SH3PXD2A: variants seen among roughly 807,000 people sequenced by gnomAD.
SH3PXD2A encodes SH3 and PX domains 2A, also known as SH3 and PX domain-containing protein 2A.
SH3PXD2A carries 32 observed loss-of-function variants against 115.2 expected under a neutral mutation model. The ratio of observed to expected loss-of-function variants is 0.28; its 90% confidence interval spans 0.21 to 0.37. The LOEUF (loss-of-function observed/expected upper bound fraction) is 0.37, where lower values mean the gene tolerates loss of function less well. Ranked by LOEUF, SH3PXD2A falls within the 10% of genes least tolerant of loss-of-function variation. SH3PXD2A has a pLI of 1.00. For missense variants in SH3PXD2A, 1,328 were observed against 1,498.7 expected (o/e 0.89, Z 1.88); for synonymous variants, 610 against 629.1 (o/e 0.97, Z 0.45).
chr10:103,786,482 T>A (rs1160856660), intron 2 of SH3PXD2A, among the ~76,000 whole-genome samples: 2 of 151,954 alleles, frequency 1.3e-5, no homozygotes, highest in African/African-American at 4.8e-5. Context: ...CCAGGCAACA[T>A]AGCGAGACCC....
Position 103,852,226 on chromosome 10 carries a change from G to A in SH3PXD2A, c.72+2969C>T, listed in dbSNP as rs1051904728. ...GGCCTGGCAGAGAAGAAGGAAGCCA[G>A]GGCTGAGTGCCATCCCCATGATGGA... On this transcript the variant is annotated intron_variant, in intron 1 of 14. Coordinates refer to ENST00000369774, the MANE Select transcript of SH3PXD2A (RefSeq NM_001394015.1). Among the ~76,000 whole-genome samples the A allele has an allele frequency of 7.9e-5, 12 of 152,324 alleles. 1 individual carries two copies. The highest frequency in any genetic ancestry group is 1.9e-4 in the African/African-American group (8 of 41,580).
intron 3 of SH3PXD2A, among the ~76,000 whole-genome samples, chr10:103,739,281 C>T (rs568383771): frequency 5.9e-5 from 9 of 152,358 alleles, no homozygotes; most frequent in Admixed American, 2.6e-4. Context: ...CAGTCCTCCC[C>T]ACCAGGCTCC....
At chr10:103,789,685 C>T (rs2039016344) in intron 2 of SH3PXD2A, among the ~76,000 whole-genome samples, 1 of 152,188 alleles carries the variant, frequency 6.6e-6, no homozygotes, top group African/African-American at 2.4e-5. Flanking sequence ...AAGATGAAGG[C>T]CCAGTAGGGG....
rs116415866 is a variant in SH3PXD2A at position 103,682,286 on chromosome 10, T to G, written c.427+10742A>C. 5.4e-3 allele frequency among the ~76,000 whole-genome samples: 828 copies of G among 152,324 alleles called. 6 individuals are homozygous for G. Among genetic ancestry groups the G allele is most frequent in the African/African-American group, 0.018 (766 of 41,566 alleles). On this transcript the variant is annotated intron_variant, in intron 6 of 14. Coordinates refer to ENST00000369774, the MANE Select transcript of SH3PXD2A (RefSeq NM_001394015.1). Reference sequence around the variant, plus strand: ...CTCAGCCACCTCGAGCCAGGGAGCGTGGCGCAGACACACACGTGAGCAGCA... The same window carrying G: ...CTCAGCCACCTCGAGCCAGGGAGCGGGGCGCAGACACACACGTGAGCAGCA...
At position 103,746,519 on chromosome 10, in the gene SH3PXD2A, A is replaced by C. The variant is rs2038505074; in HGVS notation, c.230-10711T>G. On this transcript the variant is annotated intron_variant, in intron 3 of 14. Coordinates refer to ENST00000369774, the MANE Select transcript of SH3PXD2A (RefSeq NM_001394015.1). This position sits in a 1 kb window ranked among gnomAD's most constrained non-coding sequence, Gnocchi z 4.4. ...TATTTTTTTGTAGAAACTGGGTTTC[A>C]CCATGTAGCCCAGGCTGGTTTTAAA... Among the ~76,000 whole-genome samples, 1 of 152,082 alleles carries C rather than the reference A, an allele frequency of 6.6e-6. No individual in the cohort carries two copies. The highest frequency in any genetic ancestry group is 2.4e-5 in the African/African-American group (1 of 41,400).
chr10:103,786,345 T>C (rs1297422995), intron 2 of SH3PXD2A, among the ~76,000 whole-genome samples: 3 of 152,138 alleles, frequency 2.0e-5, no homozygotes, highest in African/African-American at 7.2e-5. Flanking sequence ...CTATGTGACC[T>C]GAGTACCCTC....
In SH3PXD2A at chr10:103,617,614, C is replaced by T. The variant is rs1592264902; in HGVS notation, c.803-300G>A. The stretch of plus-strand genomic sequence containing the variant: ...TCCCAGCCTGATAATGGCGGCCAGG[C>T]TGCCGGGACCTTGGAGTCCACAGGG... On this transcript the variant is annotated intron_variant, in intron 10 of 14. Transcript: ENST00000369774. Among the ~76,000 whole-genome samples the T allele has an allele frequency of 2.0e-5, 3 of 152,362 alleles. 1 individual carries two copies. The highest frequency in any genetic ancestry group is 6.8e-3 in the Middle Eastern group (2 of 294).
intron 1 of SH3PXD2A, among the ~76,000 whole-genome samples, chr10:103,853,110 C>A (rs184213620): frequency 7.9e-5 from 12 of 152,314 alleles, no homozygotes; most frequent in Admixed American, 6.5e-4. Context: ...CCCTGCCCCC[C>A]CAAACATAAT....
At position 103,855,355 on chromosome 10, in the gene SH3PXD2A, G is replaced by A. The variant is rs945681662; in HGVS notation, c.-89C>T. 2.0e-5 allele frequency: 20 copies of A among 1,007,672 alleles called. No individual in the cohort carries two copies. Among genetic ancestry groups the A allele is most frequent in the Non-Finnish European group, 2.6e-5 (19 of 727,754 alleles). The allele number at this position is 1,007,672 out of a possible 1,614,324, so 62.4% of individuals were successfully genotyped here. On this transcript the variant is annotated 5_prime_UTR_variant, in exon 1 of 15. Coordinates refer to ENST00000369774, the MANE Select transcript of SH3PXD2A (RefSeq NM_001394015.1). The stretch of plus-strand genomic sequence containing the variant: ...CTCCTTCTCCAGCTGCCGGGGTCCC[G>A]GGGCCGCCCGCCACCCCGGCCCGGC...
At chr10:103,745,112 C>T (rs886296629) in intron 3 of SH3PXD2A, among the ~76,000 whole-genome samples, 1 of 152,238 alleles carries the variant, frequency 6.6e-6, no homozygotes, top group Non-Finnish European at 1.5e-5. Flanking sequence ...TCTCTCTCTA[C>T]AGCTGCTAAC....
At chr10:103,824,585 G>T (rs570018682) in intron 1 of SH3PXD2A, among the ~76,000 whole-genome samples, 1 of 152,252 alleles carries the variant, frequency 6.6e-6, no homozygotes, top group East Asian at 1.9e-4. Flanking sequence ...TCCTGAAAGA[G>T]GACATTTCAC....
At chr10:103,699,998 GC>G (rs568122187) in intron 5 of SH3PXD2A, among the ~76,000 whole-genome samples, 1 of 152,156 alleles carries the variant, frequency 6.6e-6, no homozygotes, top group Non-Finnish European at 1.5e-5. Flanking sequence ...CCAGAACCCC[GC>G]CCCCCAGGCA....
intron 1 of SH3PXD2A, among the ~76,000 whole-genome samples, chr10:103,842,989 T>G (rs186637803): frequency 6.6e-6 from 1 of 152,240 alleles, no homozygotes; most frequent in Non-Finnish European, 1.5e-5. Context: ...AAATGTCATT[T>G]TAAGATGAGA....
rs991446497 is a variant in SH3PXD2A, at chr10:103,595,581, C to G, written c.*6235G>C. The G allele has an allele frequency of 6.6e-6, 1 of 152,158 alleles. No individual in the cohort carries two copies. Among genetic ancestry groups the G allele is most frequent in the Non-Finnish European group, 1.5e-5 (1 of 68,036 alleles). The allele number at this position is 152,158 out of a possible 1,614,324, so 9.4% of individuals were successfully genotyped here. ...CTTCCTCCCTCCCTCCCTTTTTTCTCTTTCACCTCTTGAGGCGCAGCCTAT... is the reference window on the plus strand; with the variant it reads ...CTTCCTCCCTCCCTCCCTTTTTTCTGTTTCACCTCTTGAGGCGCAGCCTAT... On this transcript the variant is annotated 3_prime_UTR_variant, in exon 15 of 15. Transcript: ENST00000369774.
chr10:103,810,193 T>G (rs912579231), intron 1 of SH3PXD2A, among the ~76,000 whole-genome samples: 1 of 152,232 alleles, frequency 6.6e-6, no homozygotes, highest in African/African-American at 2.4e-5. Flanking sequence ...GGCATGCTAG[T>G]GCCCAGCACC....
rs1311383181 is a variant in SH3PXD2A, at chr10:103,603,101, G to GAGGAAGAGGAGGAGC, written c.2102_2116dup (p.Cys701_Ser705dup). ...GGTTTTGGACAAGGAAGAGGAGGAG[G>GAGGAAGAGGAGGAGC]AGGAAGAGGAGGAGCAGCAAGTGGT... On this transcript the variant is annotated inframe_insertion, in exon 15 of 15. Transcript: ENST00000369774. 6.2e-7 allele frequency: 1 copy of GAGGAAGAGGAGGAGC among 1,612,974 alleles called. No individual in the cohort carries two copies. Among genetic ancestry groups the GAGGAAGAGGAGGAGC allele is most frequent in the Non-Finnish European group, 8.5e-7 (1 of 1,179,952 alleles).
At chr10:103,703,896 G>C (rs2037950128) in intron 5 of SH3PXD2A, among the ~76,000 whole-genome samples, 1 of 152,188 alleles carries the variant, frequency 6.6e-6, no homozygotes, top group African/African-American at 2.4e-5. Context: ...TGTGTGTGTA[G>C]CTGCCTAGGT....
At chr10:103,790,033 G>C (rs922138819) in intron 2 of SH3PXD2A, among the ~76,000 whole-genome samples, 18 of 152,194 alleles carry the variant, frequency 1.2e-4, no homozygotes, top group Non-Finnish European at 7.3e-5. Flanking sequence ...GAAGTCTTCA[G>C]CTCTTTGCAA....
At chr10:103,614,799 T>C (rs1197959995) in intron 11 of SH3PXD2A, among the ~76,000 whole-genome samples, 4 of 151,774 alleles carry the variant, frequency 2.6e-5, no homozygotes, top group Non-Finnish European at 4.4e-5. Context: ...ACCTTGTTCT[T>C]GGGCGCTCAT....
Sources: gnomAD v4.1 joint callset for allele counts (sites outside exome capture counted in the v4.1 genomes callset) on GRCh38, gnomAD v4.1.1 for gene constraint, Gnocchi (gnomAD v3.1) non-coding constraint, MANE v1.5 for transcripts, NCBI Gene and HGNC (gene_info 2026-07-23, HGNC 2026-07-21) for gene names.